Variants in AXDND1 observed in about 807,000 individuals in gnomAD.
The protein encoded by AXDND1 is axonemal dynein light chain domain-containing protein 1.
In AXDND1, 110 loss-of-function variants were observed where a neutral mutation model predicts 137.5. The ratio of observed to expected loss-of-function variants is 0.80; its 90% CI spans 0.69 to 0.94. The LOEUF (loss-of-function observed/expected upper bound fraction) is 0.94. Ranked by LOEUF, AXDND1 falls within the 40% of genes least tolerant of loss-of-function variation. The pLI, the probability that AXDND1 is intolerant of heterozygous loss-of-function variation, is 0.00. For missense variants in AXDND1, 1,191 were observed against 1,169.8 expected (o/e 1.02, Z -0.26); for synonymous variants, 414 against 399.7 (o/e 1.04, Z -0.43).
chr1:179,537,249 G>A (rs893714819), intron 25 of AXDND1, among the ~76,000 whole-genome samples: 13 of 152,256 alleles, frequency 8.5e-5, no homozygotes, highest in East Asian at 7.7e-4. Flanking sequence ...ACACTATGTC[G>A]AATAGGAGTG....
chr1:179,501,763 GCTAT>G (rs1362145022), intron 20 of AXDND1, among the ~76,000 whole-genome samples: 1 of 151,992 alleles, frequency 6.6e-6, no homozygotes, highest in Non-Finnish European at 1.5e-5. Context: ...AGGAATATTG[GCTAT>G]CTATATAGGA....
chr1:179,533,651 A>G (rs1439816126), intron 23 of AXDND1, 144 bp from the exon 24 acceptor site: 7 of 400,614 alleles, frequency 1.7e-5, no homozygotes, highest in African/African-American at 1.6e-4. Flanking sequence ...TTTTGGTATT[A>G]AGGGTGTGCT....
Position 179,491,710 on chromosome 1 carries a change from T to G in AXDND1, c.2264T>G (p.Leu755Trp), listed in dbSNP as rs1666917961. 1 of 1,583,532 alleles carries G rather than the reference T, an allele frequency of 6.3e-7. No individual in the cohort carries two copies. Among genetic ancestry groups the G allele is most frequent in the African/African-American group, 1.4e-5 (1 of 73,452 alleles). Residue 755 changes from leucine (L) to tryptophan (W), a missense_variant, in exon 19 of 26, where the codon TTG becomes TGG. Coordinates refer to ENST00000367618, the MANE Select transcript of AXDND1 (RefSeq NM_144696.6). ...GATGCGATTGAACTGACAAGGAAGT[T>G]GTACCAATACTCCAGCTATTTGAGC... Reference protein sequence around the residue: ...ELDAIELTRKLYQYSSYLSSC... With the variant: ...ELDAIELTRKWYQYSSYLSSC...
chr1:179,428,859 T>A (rs189779377), intron 12 of AXDND1, among the ~76,000 whole-genome samples: 92 of 152,326 alleles, frequency 6.0e-4, no homozygotes, highest in African/African-American at 2.1e-3. Flanking sequence ...AATGTTTAAG[T>A]GATTAACAAA....
rs1215338779 is a variant in AXDND1 at position 179,392,822 on chromosome 1, G to GT, written c.864-1074dup. On this transcript the variant is annotated intron_variant, in intron 9 of 25. Coordinates refer to ENST00000367618, the MANE Select transcript of AXDND1 (RefSeq NM_144696.6). Reference sequence around the variant, plus strand: ...TGCCCACTTTTTGGTGAAATTATCTGTTTTTTTCTTGCTGATTTGTTGGAG... The same window carrying GT: ...TGCCCACTTTTTGGTGAAATTATCTGTTTTTTTTCTTGCTGATTTGTTGGAG... Among the ~76,000 whole-genome samples, 5 of 151,650 alleles carry GT rather than the reference G, an allele frequency of 3.3e-5. No individual in the cohort carries two copies. In the East Asian group the frequency reaches 5.8e-4, roughly 18 times the overall value.
At chr1:179,547,776 A>AT (rs997315508) in intron 25 of AXDND1, among the ~76,000 whole-genome samples, 24 of 152,112 alleles carry the variant, frequency 1.6e-4, no homozygotes, top group African/African-American at 5.8e-4. Context: ...AGGCAAACTG[A>AT]TTTTTAGAAG....
chr1:179,503,343 T>C (rs1284293113), intron 20 of AXDND1, among the ~76,000 whole-genome samples: 1 of 152,038 alleles, frequency 6.6e-6, no homozygotes, highest in Non-Finnish European at 1.5e-5. Context: ...TTTTATGTTA[T>C]AAAATTTATG....
At position 179,369,952 on chromosome 1, in the gene AXDND1, C is replaced by T. The variant is rs752408776; in HGVS notation, c.271-23C>T. Reference sequence around the variant, plus strand: ...ATTAGATCGCCCTCTGCTGGATATTCATGTGTATTTGCTTTTTCCCAGGGC... The same window carrying T: ...ATTAGATCGCCCTCTGCTGGATATTTATGTGTATTTGCTTTTTCCCAGGGC... On this transcript the variant is annotated intron_variant, in intron 3 of 25. Coordinates refer to ENST00000367618, the MANE Select transcript of AXDND1 (RefSeq NM_144696.6). 1.7e-5 allele frequency: 26 copies of T among 1,548,030 alleles called. 1 individual carries two copies. The highest frequency in any genetic ancestry group is 2.1e-5 in the Non-Finnish European group (23 of 1,121,046).
intron 11 of AXDND1, among the ~76,000 whole-genome samples, chr1:179,396,382 G>C (rs1175729247): frequency 1.3e-5 from 2 of 152,026 alleles, no homozygotes; most frequent in Non-Finnish European, 2.9e-5. Context: ...GGGCACAGTG[G>C]CTCACGCCTG....
chr1:179,495,404 T>G (rs759467488), intron 20 of AXDND1, among the ~76,000 whole-genome samples: 1 of 152,098 alleles, frequency 6.6e-6, no homozygotes, highest in Non-Finnish European at 1.5e-5. Flanking sequence ...TTACATATAG[T>G]TTGTGAGATT....
intron 21 of AXDND1, among the ~76,000 whole-genome samples, chr1:179,523,415 G>A (rs922526735): frequency 3.3e-5 from 5 of 152,082 alleles, no homozygotes; most frequent in African/African-American, 1.2e-4. Flanking sequence ...CATGTAATAT[G>A]TACAATTCAG....
intron 6 of AXDND1, among the ~76,000 whole-genome samples, chr1:179,382,478 A>G (rs1648538676): frequency 1.3e-5 from 2 of 152,150 alleles, no homozygotes; most frequent in Non-Finnish European, 2.9e-5. Context: ...CCCGATGATT[A>G]TTTGAACACT....
Position 179,430,645 on chromosome 1 carries a change from T to C in AXDND1, c.1487+39T>C, listed in dbSNP as rs547929313. 66 of 1,580,304 alleles carry C rather than the reference T, an allele frequency of 4.2e-5. No homozygotes were observed. In the East Asian group the frequency reaches 1.4e-3, roughly 33 times the overall value. ...AATCTTGTTTTTCTGATTATACTTA[T>C]GTCTGATAACTCAGTCAAATTCTCT... On this transcript the variant is annotated intron_variant, in intron 14 of 25. Coordinates refer to ENST00000367618, the MANE Select transcript of AXDND1 (RefSeq NM_144696.6).
intron 4 of AXDND1, among the ~76,000 whole-genome samples, chr1:179,372,258 A>C (rs544761794): frequency 6.6e-6 from 1 of 152,360 alleles, no homozygotes; most frequent in South Asian, 2.1e-4. Context: ...TTCAGTGCAG[A>C]AAATAAATCA....
At chr1:179,516,908 G>A (rs935792065) in intron 21 of AXDND1, among the ~76,000 whole-genome samples, 2 of 152,174 alleles carry the variant, frequency 1.3e-5, no homozygotes, top group African/African-American at 2.4e-5. Context: ...GTGGTTTAAT[G>A]TTCTGTTTTT....
At chr1:179,385,188 T>A in intron 8 of AXDND1, 50 bp from the exon 9 acceptor site, 1 of 1,537,118 alleles carries the variant, frequency 6.5e-7, no homozygotes, top group Non-Finnish European at 8.9e-7. Context: ...CTAAAATGTT[T>A]TTTACTAAGA....
chr1:179,389,072 C>T (rs577077600), intron 9 of AXDND1, among the ~76,000 whole-genome samples: 1 of 148,026 alleles, frequency 6.8e-6, no homozygotes, highest in African/African-American at 2.5e-5. Context: ...CCTCCGCATT[C>T]AAGTGATTCT....
intron 18 of AXDND1, among the ~76,000 whole-genome samples, chr1:179,484,058 AC>A (rs1665737707): frequency 6.6e-6 from 1 of 152,118 alleles, no homozygotes; most frequent in Non-Finnish European, 1.5e-5. Context: ...GAAGCTGGAA[AC>A]CCTGCACAGG....
Position 179,462,795 on chromosome 1 carries a change from T to G in AXDND1, c.1799-5648T>G, listed in dbSNP as rs146431971. Reference sequence around the variant, plus strand: ...TAGGCTATTAATTATTGCCTCAATTTCAGAACCCATTATTGGTCTAGTCAG... The same window carrying G: ...TAGGCTATTAATTATTGCCTCAATTGCAGAACCCATTATTGGTCTAGTCAG... On this transcript the variant is annotated intron_variant, in intron 16 of 25. Coordinates refer to ENST00000367618, the MANE Select transcript of AXDND1 (RefSeq NM_144696.6). Among the ~76,000 whole-genome samples, 1,020 of 152,312 alleles carry G rather than the reference T, an allele frequency of 6.7e-3. 11 individuals are homozygous for G. The highest frequency in any genetic ancestry group is 0.022 in the African/African-American group (927 of 41,560).
Sources: gnomAD v4.1 joint callset for allele counts (sites outside exome capture counted in the v4.1 genomes callset) on GRCh38, gnomAD v4.1.1 for gene constraint, MANE v1.5 for transcripts, NCBI Gene and HGNC (gene_info 2026-07-23, HGNC 2026-07-21) for gene names.